PRELID2: variants seen among roughly 807,000 people sequenced by gnomAD.
PRELID2 encodes PRELI domain-containing protein 2.
In PRELID2, 25 loss-of-function variants were observed where a neutral mutation model predicts 28.4. That is an observed-to-expected ratio of 0.88 (90% CI 0.64 to 1.23). The LOEUF is 1.23. PRELID2 is among the 50% of genes most tolerant of loss of function. PRELID2 has a pLI of 0.00. For missense variants in PRELID2, 201 were observed against 214.4 expected (o/e 0.94, Z 0.39); for synonymous variants, 76 against 71.6 (o/e 1.06, Z -0.31).
chr5:145,573,929 G>T (rs965237561), intron 1 of PRELID2, among the ~76,000 whole-genome samples: 1 of 152,152 alleles, frequency 6.6e-6, no homozygotes, highest in Non-Finnish European at 1.5e-5. Context: ...TTCTGTGTGG[G>T]CAGAAAAAGG....
chr5:145,250,277 G>A, the PRELID2 span, among the ~76,000 whole-genome samples: 13 of 152,048 alleles, frequency 8.5e-5, no homozygotes, highest in Admixed American at 2.0e-4. Flanking sequence ...TTGCTCAAAG[G>A]ACTTTCACCT....
intron 1 of PRELID2, among the ~76,000 whole-genome samples, chr5:145,706,102 T>TG (rs1755539784): frequency 6.6e-6 from 1 of 151,728 alleles, no homozygotes; most frequent in Non-Finnish European, 1.5e-5. Flanking sequence ...TTTAATTAAA[T>TG]GGGAAAAAAA....
At chr5:145,568,594 G>A (rs992702596) in intron 1 of PRELID2, among the ~76,000 whole-genome samples, 22 of 152,184 alleles carry the variant, frequency 1.4e-4, no homozygotes, top group Non-Finnish European at 2.9e-4. Flanking sequence ...ATGTGACACT[G>A]ACTTCTTTCT....
chr5:145,773,060 C>T (rs1758205410), intron 5 of PRELID2, among the ~76,000 whole-genome samples: 1 of 152,140 alleles, frequency 6.6e-6, no homozygotes, highest in African/African-American at 2.4e-5. Context: ...TACAATAATT[C>T]AGATGTCTTT....
chr5:145,308,620 G>A, the PRELID2 span, among the ~76,000 whole-genome samples: 1 of 150,090 alleles, frequency 6.7e-6, no homozygotes, highest in East Asian at 2.0e-4. Context: ...AGGTTAGAGT[G>A]TATTTTTTTT....
At position 145,817,942 on chromosome 5, in the gene PRELID2, G is replaced by T; in HGVS notation, c.320C>A (p.Ser107Tyr). 1 of 1,590,052 alleles carries T rather than the reference G, an allele frequency of 6.3e-7. No individual in the cohort carries two copies. The highest frequency in any genetic ancestry group is 8.5e-7 in the Non-Finnish European group (1 of 1,170,790). Residue 107 changes from serine (S) to tyrosine (Y), a missense_variant, in exon 4 of 7, where the codon TCC (serine) becomes TAC (tyrosine). Physicochemically the swap from Ser to Tyr is moderately radical, Grantham distance 144. Transcript: ENST00000683046. ...SHCLTWTQYASMKEESVFRES... is the reference protein window; with the variant it reads ...SHCLTWTQYAYMKEESVFRES... ...CCGGAAGACAGACTCTTCCTTCATG[G>T]ATGCATACTGTGTCCACGTAAGGCA... is the stretch of plus-strand genomic sequence containing the variant.
intron 1 of PRELID2, among the ~76,000 whole-genome samples, chr5:145,741,330 A>T (rs1339603862): frequency 3.1e-5 from 1 of 31,970 alleles, no homozygotes; most frequent in African/African-American, 8.7e-5. Context: ...TAAATTATTT[A>T]TATATAAATA....
intron 1 of PRELID2, among the ~76,000 whole-genome samples, chr5:145,517,600 A>G (rs1752527945): frequency 6.6e-6 from 1 of 152,218 alleles, no homozygotes; most frequent in African/African-American, 2.4e-5. Flanking sequence ...TCAAGGATCT[A>G]GAACCAGAAG....
At chr5:145,472,683 GT>G (rs1752065209) in intron 2 of PRELID2, among the ~76,000 whole-genome samples, 1 of 152,108 alleles carries the variant, frequency 6.6e-6, no homozygotes, top group Non-Finnish European at 1.5e-5. Flanking sequence ...AGCAGAAAAT[GT>G]AACTCCTCTA....
chr5:145,400,487 A>C, the PRELID2 span, among the ~76,000 whole-genome samples: 1 of 152,098 alleles, frequency 6.6e-6, no homozygotes, highest in African/African-American at 2.4e-5. Flanking sequence ...TCCTACAGTT[A>C]AGTGAGAGGG....
chr5:145,641,413 G>T (rs774413281), intron 1 of PRELID2, among the ~76,000 whole-genome samples: 1 of 152,082 alleles, frequency 6.6e-6, no homozygotes, highest in South Asian at 2.1e-4. Flanking sequence ...TCAGAAACAC[G>T]AAAGTTAAAA....
intron 1 of PRELID2, among the ~76,000 whole-genome samples, chr5:145,632,697 G>A (rs986068523): frequency 1.3e-5 from 2 of 152,180 alleles, no homozygotes; most frequent in African/African-American, 4.8e-5. Context: ...ACAGCCTGGT[G>A]TACGCATCCT....
intron 1 of PRELID2, among the ~76,000 whole-genome samples, chr5:145,506,978 C>G (rs1259456038): frequency 2.0e-5 from 3 of 152,108 alleles, no homozygotes; most frequent in African/African-American, 7.2e-5. Context: ...TTTGTTGGCT[C>G]ACTTGTTCAT....
the PRELID2 span, among the ~76,000 whole-genome samples, chr5:145,411,004 T>A: frequency 6.6e-6 from 1 of 151,880 alleles, no homozygotes; most frequent in Non-Finnish European, 1.5e-5. Flanking sequence ...CCATTCCAAA[T>A]GGGAGAAATT....
At chr5:145,515,448 A>G (rs1177946322) in intron 1 of PRELID2, among the ~76,000 whole-genome samples, 1 of 152,196 alleles carries the variant, frequency 6.6e-6, no homozygotes, top group African/African-American at 2.4e-5. Flanking sequence ...ACCAGGAAAA[A>G]GTCAAATCCC....
rs144818665 is a variant in PRELID2, at chr5:145,630,267, A to T, written n.70+134664T>A. On this transcript the variant is annotated intron_variant and non_coding_transcript_variant, in intron 1 of 2. Coordinates refer to the PRELID2 transcript ENST00000510259. ...AGCAGTCAGTGGGTAAGTGGAGGAC[A>T]ATGGAGCAATGAGGTGATTCCATAA... Among the ~76,000 whole-genome samples, 65 of 152,234 alleles carry T rather than the reference A, an allele frequency of 4.3e-4. No individual in the cohort carries two copies. In the East Asian group the frequency reaches 0.012, roughly 27 times the overall value.
intron 1 of PRELID2, among the ~76,000 whole-genome samples, chr5:145,568,124 GA>G (rs1247677700): frequency 6.6e-6 from 1 of 152,166 alleles, no homozygotes; most frequent in Non-Finnish European, 1.5e-5. Flanking sequence ...CAAAAAGAAA[GA>G]AAAGTGTTTA....
chr5:145,375,975 A>G, the PRELID2 span, among the ~76,000 whole-genome samples: 1 of 152,200 alleles, frequency 6.6e-6, no homozygotes, highest in Non-Finnish European at 1.5e-5. Flanking sequence ...TTCTTGTGCC[A>G]GTTTTCACTG....
intron 1 of PRELID2, among the ~76,000 whole-genome samples, chr5:145,645,472 G>T (rs368158991): frequency 2.0e-5 from 3 of 150,836 alleles, no homozygotes; most frequent in East Asian, 3.9e-4. Flanking sequence ...ACACCAAAGG[G>T]TCTTGACTCT....
Sources: allele counts gnomAD v4.1 joint callset (sites outside exome capture counted in the v4.1 genomes callset), GRCh38; gene constraint gnomAD v4.1.1; transcripts MANE v1.5; gene names NCBI Gene and HGNC (gene_info 2026-07-23, HGNC 2026-07-21).